The following NEGR1 variants were observed in gnomAD, a reference collection of about 807,000 sequenced individuals.
The protein encoded by NEGR1 is neuronal growth regulator 1, also known as IgLON family member 4.
A neutral mutation model predicts 40.9 loss-of-function variants in NEGR1; 10 were observed. The observed-to-expected ratio is 0.24, with a 90% CI of 0.15 to 0.42. NEGR1 has a LOEUF of 0.42. Among genes scored for constraint, NEGR1 ranks in the 10% least tolerant of loss-of-function variants. NEGR1 has a pLI of 1.00. For synonymous variants in NEGR1, 185 were observed against 166.8 expected (o/e 1.11, Z -0.84); for missense variants, 352 against 438.9 (o/e 0.80, Z 1.77).
At position 71,830,621 on chromosome 1, in the gene NEGR1, TA is replaced by T. The variant is rs527423900; in HGVS notation, c.410-54325del. On this transcript the variant is annotated intron_variant, in intron 2 of 6. Transcript: ENST00000357731. ...GTAAGTAAAGCAGTTAGTTCAATGT[TA>T]GTAAGAGTCAAAGAAAAAAACAGAG... Among the ~76,000 whole-genome samples the T allele has an allele frequency of 7.2e-5, 11 of 151,878 alleles. No individual in the cohort carries two copies. The South Asian group carries it at 2.3e-3, about 32-fold the overall frequency.
rs143249813 is a variant in NEGR1 at position 72,159,115 on chromosome 1, T to C, written c.176+123204A>G. 2.6e-3 allele frequency among the ~76,000 whole-genome samples: 394 copies of C among 152,308 alleles called. 1 individual carries two copies. Among genetic ancestry groups the C allele is most frequent in the African/African-American group, 8.8e-3 (367 of 41,574 alleles). On this transcript the variant is annotated intron_variant, in intron 1 of 6. Coordinates refer to ENST00000357731, the MANE Select transcript of NEGR1 (RefSeq NM_173808.3). ...GTTTAGACATGAGCATTTTCTTCTG[T>C]GCTTGTAGATGTCCACTGCTATGCT...
chr1:71,459,723 T>A (rs1646700606), intron 6 of NEGR1, among the ~76,000 whole-genome samples: 1 of 152,202 alleles, frequency 6.6e-6, no homozygotes, highest in African/African-American at 2.4e-5. Flanking sequence ...AATCTGAACA[T>A]CCAAATGATT....
At chr1:71,712,075 A>C (rs918011593) in intron 3 of NEGR1, among the ~76,000 whole-genome samples, 114 of 152,168 alleles carry the variant, frequency 7.5e-4, no homozygotes, top group African/African-American at 2.7e-3. Context: ...GAATTATAAA[A>C]TTGTTCTGTA....
At chr1:71,691,544 G>T (rs561278934) in intron 4 of NEGR1, among the ~76,000 whole-genome samples, 1 of 151,766 alleles carries the variant, frequency 6.6e-6, no homozygotes, top group East Asian at 1.9e-4. Context: ...GAAAAAAACA[G>T]AAATCTTCCA....
At chr1:71,720,864 G>T (rs889220639) in intron 3 of NEGR1, among the ~76,000 whole-genome samples, 2 of 152,102 alleles carry the variant, frequency 1.3e-5, no homozygotes, top group Non-Finnish European at 2.9e-5. Context: ...GCTTCCTGTG[G>T]ATTCTTTCAC....
In NEGR1 at chr1:71,398,915, C is replaced by G. The variant is rs1351536431; in HGVS notation, c.*8531G>C. ...GATGGTTTTATAAGGGGGAGTTTAT[C>G]TGCACAAGCTCTTTTCTCTTGTCTG... is the stretch of plus-strand genomic sequence containing the variant. On this transcript the variant is annotated 3_prime_UTR_variant, in exon 7 of 7. Coordinates refer to ENST00000357731, the MANE Select transcript of NEGR1 (RefSeq NM_173808.3). 1 of 152,218 alleles carries G rather than the reference C, an allele frequency of 6.6e-6. No individual in the cohort carries two copies. The highest frequency in any genetic ancestry group is 6.6e-5 in the Admixed American group (1 of 15,264). The allele number at this position is 152,218 out of a possible 1,614,324, so 9.4% of individuals were successfully genotyped here.
In NEGR1 at chr1:71,402,658, T is replaced by A. The variant is rs1334077950; in HGVS notation, c.*4788A>T. On this transcript the variant is annotated 3_prime_UTR_variant, in exon 7 of 7. Transcript: ENST00000357731. The stretch of plus-strand genomic sequence containing the variant: ...AGTTCAGAGGGAGTACATTGACGGG[T>A]GTTTGGATCAAATTCCACTAACTTG... 2 of 152,096 alleles carry A rather than the reference T, an allele frequency of 1.3e-5. No individual in the cohort carries two copies. The highest frequency in any genetic ancestry group is 6.6e-5 in the Admixed American group (1 of 15,262). The allele number at this position is 152,096 out of a possible 1,614,324, so 9.4% of individuals were successfully genotyped here.
intron 3 of NEGR1, among the ~76,000 whole-genome samples, chr1:71,737,635 T>G (rs1290462274): frequency 6.6e-6 from 1 of 152,186 alleles, no homozygotes; most frequent in East Asian, 1.9e-4. Context: ...TTTGTTAATT[T>G]GAAATGATCC....
intron 6 of NEGR1, among the ~76,000 whole-genome samples, chr1:71,457,609 A>T (rs1452008213): frequency 6.6e-6 from 1 of 152,230 alleles, no homozygotes; most frequent in African/African-American, 2.4e-5. Context: ...TAACATTTTT[A>T]TATGTAAATA....
chr1:71,464,848 G>A (rs375426045), intron 6 of NEGR1, among the ~76,000 whole-genome samples: 44 of 152,222 alleles, frequency 2.9e-4, no homozygotes, highest in East Asian at 1.5e-3. Flanking sequence ...CAGTGGAGTC[G>A]AATATAATAA....
At chr1:71,921,711 T>TAG (rs1216266014) in intron 2 of NEGR1, among the ~76,000 whole-genome samples, 1 of 123,610 alleles carries the variant, frequency 8.1e-6, no homozygotes, top group African/African-American at 3.3e-5. Context: ...AGAATATATA[T>TAG]ATATATATAT....
chr1:71,731,679 G>C (rs531346916), intron 3 of NEGR1, among the ~76,000 whole-genome samples: 1 of 152,070 alleles, frequency 6.6e-6, no homozygotes, highest in Non-Finnish European at 1.5e-5. Context: ...TGGACTTGCC[G>C]AAAGTGATCA....
chr1:71,871,180 A>G (rs745990276), intron 2 of NEGR1, among the ~76,000 whole-genome samples: 1 of 152,216 alleles, frequency 6.6e-6, no homozygotes, highest in African/African-American at 2.4e-5. Flanking sequence ...TGCAGAATAT[A>G]TCTTGTAAAG....
chr1:72,018,682 G>A (rs2100416350), intron 1 of NEGR1, among the ~76,000 whole-genome samples: 1 of 152,290 alleles, frequency 6.6e-6, no homozygotes, highest in South Asian at 2.1e-4. Flanking sequence ...ACTGGCAGCG[G>A]CTGAAAGAAA....
intron 3 of NEGR1, among the ~76,000 whole-genome samples, chr1:71,713,230 C>T (rs971083247): frequency 2.0e-5 from 3 of 152,286 alleles, no homozygotes; most frequent in Non-Finnish European, 2.9e-5. Flanking sequence ...TATTGAGGTC[C>T]TTTTCTGCCA....
chr1:71,591,772 T>C (rs916073026), intron 6 of NEGR1, among the ~76,000 whole-genome samples: 2 of 152,114 alleles, frequency 1.3e-5, no homozygotes, highest in African/African-American at 4.8e-5. Flanking sequence ...TTATTTCACA[T>C]CAGCATTCTT....
At chr1:71,671,673 A>G (rs776051437) in intron 4 of NEGR1, among the ~76,000 whole-genome samples, 2 of 152,060 alleles carry the variant, frequency 1.3e-5, no homozygotes, top group Non-Finnish European at 2.9e-5. Context: ...CAGTGTCTGT[A>G]TCTGATTGTC....
At chr1:72,014,975 T>C (rs1646696151) in intron 1 of NEGR1, among the ~76,000 whole-genome samples, 1 of 152,186 alleles carries the variant, frequency 6.6e-6, no homozygotes, top group African/African-American at 2.4e-5. Flanking sequence ...ATTGAAATTG[T>C]ATTACAGAGT....
chr1:72,142,010 A>G (rs1303431493), intron 1 of NEGR1, among the ~76,000 whole-genome samples: 1 of 152,056 alleles, frequency 6.6e-6, no homozygotes, highest in Non-Finnish European at 1.5e-5. Context: ...AAGTAGCTGC[A>G]TGAACACTGT....
Sources: allele counts gnomAD v4.1 joint callset (sites outside exome capture counted in the v4.1 genomes callset), GRCh38; gene constraint gnomAD v4.1.1; transcripts MANE v1.5; gene names NCBI Gene and HGNC (gene_info 2026-07-23, HGNC 2026-07-21).